The following SPOCK1 variants were observed in gnomAD, a reference collection of about 807,000 sequenced individuals.
The protein encoded by SPOCK1 is SPARC (osteonectin), cwcv and kazal like domains proteoglycan 1.
In SPOCK1, 23 loss-of-function variants were observed where a neutral mutation model predicts 55.3. The ratio of observed to expected loss-of-function variants is 0.42; its 90% confidence interval spans 0.30 to 0.59. SPOCK1 has a LOEUF of 0.59. Ranked by LOEUF, SPOCK1 falls within the 20% of genes least tolerant of loss-of-function variation. The pLI is 0.22. For missense variants in SPOCK1, 499 were observed against 552.5 expected, an observed-to-expected ratio of 0.90 and a Z score of 0.97; for synonymous variants, 226 against 221.0, an observed-to-expected ratio of 1.02 and a Z score of -0.20.
chr5:137,323,711 C>T (rs1758021334), intron 2 of SPOCK1, among the ~76,000 whole-genome samples: 1 of 152,020 alleles, frequency 6.6e-6, no homozygotes, highest in Admixed American at 6.6e-5. Flanking sequence ...AAATGGCCAA[C>T]ATGTATGGGA....
At chr5:137,390,165 T>C (rs1751687696) in intron 2 of SPOCK1, among the ~76,000 whole-genome samples, 1 of 152,220 alleles carries the variant, frequency 6.6e-6, no homozygotes, top group South Asian at 2.1e-4. Context: ...GGATTTTCTA[T>C]TTAATAAAAA....
intron 3 of SPOCK1, among the ~76,000 whole-genome samples, chr5:137,175,847 C>T (rs1487321272): frequency 1.3e-5 from 2 of 152,096 alleles, no homozygotes; most frequent in Non-Finnish European, 2.9e-5. Flanking sequence ...TGTGGGTACA[C>T]CTCAGCACAT....
chr5:137,287,769 G>A (rs1410857258), intron 2 of SPOCK1, among the ~76,000 whole-genome samples: 2 of 152,146 alleles, frequency 1.3e-5, no homozygotes, highest in Admixed American at 1.3e-4. Context: ...TCAGGCTAGG[G>A]CAATCATTCC....
intron 3 of SPOCK1, among the ~76,000 whole-genome samples, chr5:137,167,422 A>C (rs1754669554): frequency 6.9e-6 from 1 of 144,196 alleles, no homozygotes; most frequent in Non-Finnish European, 1.6e-5. Flanking sequence ...ACAGAAAATT[A>C]ACAAAAAAAA....
intron 2 of SPOCK1, among the ~76,000 whole-genome samples, chr5:137,326,479 G>A (rs957083534): frequency 6.6e-6 from 1 of 152,212 alleles, no homozygotes. Context: ...GCTCCAGCCT[G>A]AGAGGAGCTG....
intron 2 of SPOCK1, among the ~76,000 whole-genome samples, chr5:137,297,026 A>G (rs1348712431): frequency 6.6e-6 from 1 of 152,248 alleles, no homozygotes; most frequent in East Asian, 1.9e-4. Flanking sequence ...CACACAATAC[A>G]TACATACACA....
intron 2 of SPOCK1, among the ~76,000 whole-genome samples, chr5:137,314,822 G>C (rs1757848342): frequency 6.6e-6 from 1 of 152,146 alleles, no homozygotes. Flanking sequence ...CCAGCACCAA[G>C]CAGGTGCTCC....
intron 2 of SPOCK1, among the ~76,000 whole-genome samples, chr5:137,328,347 A>G (rs1758113916): frequency 6.6e-6 from 1 of 152,222 alleles, no homozygotes; most frequent in African/African-American, 2.4e-5. Context: ...AGGATGACCT[A>G]TGCCCTCCCC....
chr5:137,112,207 C>T (rs1264134249), intron 5 of SPOCK1, among the ~76,000 whole-genome samples: 1 of 152,128 alleles, frequency 6.6e-6, no homozygotes, highest in Non-Finnish European at 1.5e-5. Flanking sequence ...TTCTCAGAAC[C>T]ATCCCTTCTT....
At chr5:137,423,858 C>G (rs1156344417) in intron 2 of SPOCK1, among the ~76,000 whole-genome samples, 1 of 152,242 alleles carries the variant, frequency 6.6e-6, no homozygotes. Context: ...CAGAAATCAC[C>G]TGTCTTCTGC....
At chr5:137,238,406 A>C (rs1017673409) in intron 3 of SPOCK1, among the ~76,000 whole-genome samples, 1 of 152,256 alleles carries the variant, frequency 6.6e-6, no homozygotes, top group Non-Finnish European at 1.5e-5. Context: ...GAAATTATTT[A>C]GAAAACACTC....
chr5:137,495,938 T>A (rs750887960), intron 2 of SPOCK1, among the ~76,000 whole-genome samples: 8 of 152,234 alleles, frequency 5.3e-5, no homozygotes, highest in African/African-American at 2.4e-5. Context: ...TTTTTGAACA[T>A]TTTTAGATGT....
At chr5:137,306,103 C>G (rs1197820811) in intron 2 of SPOCK1, among the ~76,000 whole-genome samples, 4 of 152,126 alleles carry the variant, frequency 2.6e-5, no homozygotes, top group Non-Finnish European at 5.9e-5. Flanking sequence ...CTTTCAGGAA[C>G]TCACAGTAAC....
At position 137,035,245 on chromosome 5, in the gene SPOCK1, C is replaced by G. The variant is rs1220181811; in HGVS notation, c.589+32470G>C. Among the ~76,000 whole-genome samples the G allele has an allele frequency of 2.0e-5, 3 of 152,292 alleles. No individual in the cohort carries two copies. In the South Asian group the frequency reaches 6.2e-4, roughly 32 times the overall value. On this transcript the variant is annotated intron_variant, in intron 6 of 10. Transcript: ENST00000394945. Reference sequence around the variant, plus strand: ...CAGGCAGCCAAGGAGCACAGCCAGCCGTATCAGGACCGGAGTGGTGGCTGT... The same window carrying G: ...CAGGCAGCCAAGGAGCACAGCCAGCGGTATCAGGACCGGAGTGGTGGCTGT...
intron 5 of SPOCK1, among the ~76,000 whole-genome samples, chr5:137,080,353 T>C (rs1319465161): frequency 6.6e-6 from 1 of 152,222 alleles, no homozygotes; most frequent in Non-Finnish European, 1.5e-5. Flanking sequence ...TGTTTTCTGA[T>C]GTTTGCTCAG....
At chr5:137,060,500 G>A (rs1752377091) in intron 6 of SPOCK1, among the ~76,000 whole-genome samples, 1 of 152,132 alleles carries the variant, frequency 6.6e-6, no homozygotes, top group Non-Finnish European at 1.5e-5. Context: ...GATTGGGTAT[G>A]CTTATTATCT....
chr5:137,328,931 C>T (rs1043797859), intron 2 of SPOCK1, among the ~76,000 whole-genome samples: 4 of 152,212 alleles, frequency 2.6e-5, no homozygotes, highest in African/African-American at 9.7e-5. Flanking sequence ...CACACTTTCA[C>T]CACCCCGCCC....
At chr5:137,315,528 T>C (rs933437354) in intron 2 of SPOCK1, among the ~76,000 whole-genome samples, 7 of 152,154 alleles carry the variant, frequency 4.6e-5, no homozygotes, top group Admixed American at 2.6e-4. Flanking sequence ...AATGCCTCTG[T>C]TTTACACAGG....
intron 2 of SPOCK1, among the ~76,000 whole-genome samples, chr5:137,360,112 T>C (rs1750909556): frequency 6.6e-6 from 1 of 152,250 alleles, no homozygotes; most frequent in Admixed American, 6.5e-5. Flanking sequence ...CCAGGTCAGC[T>C]GTCAAACATA....
Sources: allele counts gnomAD v4.1 joint callset (sites outside exome capture counted in the v4.1 genomes callset), GRCh38; gene constraint gnomAD v4.1.1; transcripts MANE v1.5; gene names NCBI Gene and HGNC (gene_info 2026-07-23, HGNC 2026-07-21).